MYL2: variants seen among roughly 807,000 people sequenced by gnomAD.
MYL2 encodes the protein myosin light chain 2.
MYL2 carries 19 observed loss-of-function variants against 23.0 expected under a neutral mutation model. That is an observed-to-expected ratio of 0.83 (90% CI 0.58 to 1.21). The LOEUF is 1.21. Ranked by LOEUF, MYL2 falls within the 50% of genes most tolerant of loss-of-function variation. The probability of loss-of-function intolerance (pLI) is 0.00; values close to 1 mark genes in which losing one functional copy is unlikely to be tolerated. For missense variants in MYL2, 180 were observed against 215.1 expected, an observed-to-expected ratio of 0.84 and a Z score of 1.02; for synonymous variants, 78 against 76.2, an observed-to-expected ratio of 1.02 and a Z score of -0.13.
At chr12:110,916,487 G>A (rs2071688492) in intron 2 of MYL2, among the ~76,000 whole-genome samples, 1 of 152,192 alleles carries the variant, frequency 6.6e-6, no homozygotes, top group South Asian at 2.1e-4. Flanking sequence ...ATATTATTCA[G>A]CCATAAAAAG....
chr12:110,915,241 T>G (rs967483609), intron 3 of MYL2, among the ~76,000 whole-genome samples: 3 of 152,162 alleles, frequency 2.0e-5, no homozygotes, highest in Non-Finnish European at 2.9e-5. Flanking sequence ...GCATGTATAT[T>G]TTGAAGAAAC....
At position 110,910,868 on chromosome 12, in the gene MYL2, A is replaced by C. The variant is rs1417214029; in HGVS notation, c.*209T>G. The C allele has an allele frequency of 1.7e-6, 1 of 605,086 alleles. No individual in the cohort carries two copies. Among genetic ancestry groups the C allele is most frequent in the Admixed American group, 2.6e-5 (1 of 38,962 alleles). 37.5% of individuals were successfully genotyped at this position (605,086 alleles called of 1,614,324 possible). On this transcript the variant is annotated 3_prime_UTR_variant, in exon 7 of 7. Coordinates refer to ENST00000228841, the MANE Select transcript of MYL2 (RefSeq NM_000432.4). ...AATACACGACCTCCTGTTTATTGGA[A>C]CATGGCCTCTGGATGGATTTCCAAC...
At chr12:110,920,269 A>G (rs926653538) in intron 1 of MYL2, among the ~76,000 whole-genome samples, 2 of 151,930 alleles carry the variant, frequency 1.3e-5, no homozygotes, top group African/African-American at 2.4e-5. Flanking sequence ...TGATTCCTCG[A>G]GAGGTCAGTA....
intron 3 of MYL2, among the ~76,000 whole-genome samples, 196 bp from the exon 4 acceptor site, chr12:110,914,486 G>A (rs1345066506): frequency 6.6e-6 from 1 of 152,110 alleles, no homozygotes; most frequent in African/African-American, 2.4e-5. Context: ...GACTGGAAGC[G>A]ACCCTAACAT....
chr12:110,911,251 GCCTGAGTGGACGGATA>G, intron 6 of MYL2, 76 bp from the exon 7 acceptor site: 1 of 352,432 alleles, frequency 2.8e-6, no homozygotes, highest in Non-Finnish European at 5.4e-6. Context: ...TGTGGGCGGG[GCCTGAGTGGACGGATA>G]GCTGGGGGGT....
intron 1 of MYL2, 21 bp from the exon 2 acceptor site, chr12:110,919,214 T>C (rs1333197863): frequency 6.2e-7 from 1 of 1,608,232 alleles, no homozygotes; most frequent in Non-Finnish European, 8.5e-7. Flanking sequence ...AAAGCATCGA[T>C]TAAAAGAGTG....
At chr12:110,920,863 G>A (rs2071720142), upstream of MYL2, 7 of 476,026 alleles carry the variant, frequency 1.5e-5, no homozygotes, top group Non-Finnish European at 2.3e-5. Flanking sequence ...TCAATTTTGA[G>A]AAAAAAAATG....
chr12:110,915,716 A>G lies in MYL2; in HGVS notation c.168T>C (p.Leu56=). ...GCAGGGCTAGAGAGGGTGACATACC[A>G]AGGGCAGCAAAGGTGTCTCTCAGAT... ...KNDLRDTFAA[L]GRVNVKNEEI... The change falls in exon 3 of 7, where the codon CTT becomes CTC. Residue 56 remains leucine, a splice_region_variant and synonymous_variant. Coordinates refer to ENST00000228841, the MANE Select transcript of MYL2 (RefSeq NM_000432.4). 6.2e-7 allele frequency: 1 copy of G among 1,614,036 alleles called. No homozygotes were observed. The highest frequency in any genetic ancestry group is 8.5e-7 in the Non-Finnish European group (1 of 1,179,884).
chr12:110,914,632 C>A (rs2071677454), intron 3 of MYL2, among the ~76,000 whole-genome samples: 1 of 152,178 alleles, frequency 6.6e-6, no homozygotes, highest in African/African-American at 2.4e-5. Flanking sequence ...GATTCTCGTG[C>A]CTCAGCCTCC....
intron 2 of MYL2, among the ~76,000 whole-genome samples, chr12:110,916,196 C>T (rs149168550): frequency 6.6e-6 from 1 of 152,226 alleles, no homozygotes; most frequent in South Asian, 2.1e-4. Context: ...ATTAGCCAGG[C>T]GTGGTGGCGC....
chr12:110,916,290 C>G (rs2071687408), intron 2 of MYL2, among the ~76,000 whole-genome samples: 1 of 152,212 alleles, frequency 6.6e-6, no homozygotes, highest in African/African-American at 2.4e-5. Context: ...GAGCTGAGAT[C>G]ATGCCACTGC....
chr12:110,915,271 A>G (rs1304802168), intron 3 of MYL2, among the ~76,000 whole-genome samples: 1 of 152,172 alleles, frequency 6.6e-6, no homozygotes, highest in African/African-American at 2.4e-5. Context: ...TCATGCTCAC[A>G]CTGTTGAGAT....
At chr12:110,916,935 G>T (rs552517675) in intron 2 of MYL2, among the ~76,000 whole-genome samples, 102 of 152,150 alleles carry the variant, frequency 6.7e-4, no homozygotes, top group Admixed American at 1.1e-3. Flanking sequence ...TGTAACCTCC[G>T]CCTCCCGGGT....
chr12:110,919,174 T>C lies in MYL2; in HGVS notation c.23A>G (p.Lys8Arg), dbSNP rs886039195. Residue 8 changes from lysine to arginine, a missense_variant, in exon 2 of 7, where the codon AAG becomes AGG. Lys to Arg is a conservative substitution (Grantham distance 26, BLOSUM62 2). Coordinates refer to ENST00000228841, the MANE Select transcript of MYL2 (RefSeq NM_000432.4). Reference protein sequence around the residue: MAPKKAKKRAGGANSNVF... With the variant: MAPKKAKRRAGGANSNVF... ...GTTGGAGTTGGCGCCCCCGGCTCTC[T>C]TCTTTGCTTTCTTAGGTGCCTGGGG... The C allele has an allele frequency of 1.2e-6, 2 of 1,613,510 alleles. No individual in the cohort carries two copies. The highest frequency in any genetic ancestry group is 1.7e-6 in the Non-Finnish European group (2 of 1,180,020).
At chr12:110,911,697 C>T (rs935462228) in intron 6 of MYL2, among the ~76,000 whole-genome samples, 2 of 152,180 alleles carry the variant, frequency 1.3e-5, no homozygotes, top group Non-Finnish European at 2.9e-5. Flanking sequence ...AGGGGCCAGG[C>T]AGGTTATGCA....
chr12:110,919,892 TTTTA>T (rs2071709716), intron 1 of MYL2, among the ~76,000 whole-genome samples: 1 of 152,184 alleles, frequency 6.6e-6, no homozygotes, highest in South Asian at 2.1e-4. Context: ...ATCATCCCCA[TTTTA>T]CAGGAGAGGC....
Position 110,914,200 on chromosome 12 carries a change from CCAAA to C in MYL2, c.256_259del (p.Phe86GlyfsTer28), listed in dbSNP as rs2071673840. 6.2e-7 allele frequency: 1 copy of C among 1,613,430 alleles called. No individual in the cohort carries two copies. The highest frequency in any genetic ancestry group is 8.5e-7 in the Non-Finnish European group (1 of 1,179,594). On this transcript the variant is annotated frameshift_variant, in exon 4 of 7. Coordinates refer to ENST00000228841, the MANE Select transcript of MYL2 (RefSeq NM_000432.4). LOFTEE classifies it high-confidence loss of function. ...CACGACCTTACCCTTAAGTTTCTCC[CCAAA>C]CATTGTGAGGAACACAGTAAAGTTA...
At chr12:110,912,947 A>C in intron 6 of MYL2, 149 bp downstream of exon 6, 1 of 909,418 alleles carries the variant, frequency 1.1e-6, no homozygotes, top group South Asian at 1.3e-5. Flanking sequence ...AGGGTGGCAG[A>C]GAATGAAATG....
At chr12:110,919,735 C>T (rs1313644328) in intron 1 of MYL2, among the ~76,000 whole-genome samples, 1 of 152,226 alleles carries the variant, frequency 6.6e-6, no homozygotes, top group East Asian at 1.9e-4. Flanking sequence ...TCCGTCCTTG[C>T]ACCACATCAA....
Sources: gnomAD v4.1 joint callset for allele counts (sites outside exome capture counted in the v4.1 genomes callset) on GRCh38, gnomAD v4.1.1 for gene constraint, MANE v1.5 for transcripts, NCBI Gene and HGNC (gene_info 2026-07-23, HGNC 2026-07-21) for gene names.